The following L3MBTL4 variants were observed in gnomAD, a reference collection of about 807,000 sequenced individuals.
L3MBTL4 encodes lethal(3)malignant brain tumor-like protein 4.
A neutral mutation model predicts 84.5 loss-of-function variants in L3MBTL4; 70 were observed. The observed-to-expected ratio is 0.83, with a 90% CI of 0.68 to 1.01. L3MBTL4 has a LOEUF of 1.01. L3MBTL4 is among the 50% of genes least tolerant of loss of function. L3MBTL4 has a pLI of 0.00. For synonymous variants in L3MBTL4, 274 were observed against 259.8 expected, an observed-to-expected ratio of 1.05 and a Z score of -0.52; for missense variants, 715 against 754.8, an observed-to-expected ratio of 0.95 and a Z score of 0.62.
At chr18:6,403,085 T>C (rs1459496596) in intron 1 of L3MBTL4, among the ~76,000 whole-genome samples, 1 of 152,230 alleles carries the variant, frequency 6.6e-6, no homozygotes, top group Non-Finnish European at 1.5e-5. Flanking sequence ...AGCATTCCCA[T>C]ATGTGGGACA....
chr18:6,384,406 C>T (rs2054728375), intron 1 of L3MBTL4, among the ~76,000 whole-genome samples: 1 of 152,128 alleles, frequency 6.6e-6, no homozygotes, highest in African/African-American at 2.4e-5. Context: ...CAAAGTGGTA[C>T]TAATGGCTGT....
chr18:5,975,699 G>A (rs897097385), intron 16 of L3MBTL4, among the ~76,000 whole-genome samples: 7 of 152,120 alleles, frequency 4.6e-5, no homozygotes, highest in African/African-American at 1.7e-4. Flanking sequence ...CAAAACAAAA[G>A]TAAAAAGCAG....
chr18:5,993,586 C>T (rs139244221), intron 16 of L3MBTL4, among the ~76,000 whole-genome samples: 65 of 152,204 alleles, frequency 4.3e-4, no homozygotes, highest in Non-Finnish European at 6.9e-4. Flanking sequence ...TAAACAGAGT[C>T]GTTAATTTAC....
intron 4 of L3MBTL4, among the ~76,000 whole-genome samples, chr18:6,277,590 A>G (rs557735841): frequency 6.6e-6 from 1 of 152,338 alleles, no homozygotes; most frequent in Admixed American, 6.5e-5. Context: ...TACAAGTGAA[A>G]TAAATATTAA....
chr18:6,068,997 T>C (rs1000021048), intron 16 of L3MBTL4, among the ~76,000 whole-genome samples: 1 of 152,152 alleles, frequency 6.6e-6, no homozygotes, highest in African/African-American at 2.4e-5. Context: ...AGATACCCAG[T>C]GGGACTACCA....
chr18:6,217,299 C>T (rs1410774945), intron 10 of L3MBTL4, among the ~76,000 whole-genome samples: 2 of 152,120 alleles, frequency 1.3e-5, no homozygotes, highest in Admixed American at 6.6e-5. Context: ...CCACCCTCCT[C>T]AAAGAGAAAT....
intron 16 of L3MBTL4, among the ~76,000 whole-genome samples, chr18:6,004,997 A>ATTTTTTTTTTTTTTTTTTTT (rs60294342): frequency 2.1e-4 from 11 of 52,158 alleles, no homozygotes; most frequent in South Asian, 1.2e-3. Context: ...TAAGATGATA[A>ATTTTTTTTTTTTTTTTTTTT]TTTTTTTTTT....
intron 16 of L3MBTL4, among the ~76,000 whole-genome samples, chr18:6,015,958 T>A (rs2054952879): frequency 6.6e-6 from 1 of 152,100 alleles, no homozygotes; most frequent in South Asian, 2.1e-4. Flanking sequence ...AGACTCTGTC[T>A]CAAAAATAAA....
chr18:6,244,143 T>C (rs1471158196), intron 6 of L3MBTL4, among the ~76,000 whole-genome samples: 1 of 152,220 alleles, frequency 6.6e-6, no homozygotes, highest in African/African-American at 2.4e-5. Flanking sequence ...ATATTATTCA[T>C]ACACATTTCT....
chr18:6,120,329 T>A (rs1309944819), intron 14 of L3MBTL4, among the ~76,000 whole-genome samples: 1 of 152,062 alleles, frequency 6.6e-6, no homozygotes, highest in Non-Finnish European at 1.5e-5. Flanking sequence ...ATGAGGTGGC[T>A]ATGGAGAGGG....
At chr18:6,031,896 G>A in intron 16 of L3MBTL4, 2 of 928,346 alleles carry the variant, frequency 2.2e-6, no homozygotes, top group Non-Finnish European at 2.6e-6. Context: ...ATGAAGCCTG[G>A]GCTTTTAGAG....
At chr18:6,308,913 C>T (rs1429252914) in intron 3 of L3MBTL4, among the ~76,000 whole-genome samples, 22 of 151,576 alleles carry the variant, frequency 1.5e-4, no homozygotes, top group Admixed American at 1.3e-3. Context: ...CATATGCCTA[C>T]GTTCTGAAAA....
At chr18:6,316,630 C>T (rs1002950376) in intron 1 of L3MBTL4, among the ~76,000 whole-genome samples, 2 of 152,194 alleles carry the variant, frequency 1.3e-5, no homozygotes, top group Admixed American at 6.5e-5. Context: ...CCTCCAGATT[C>T]AGGCTTACAC....
intron 16 of L3MBTL4, among the ~76,000 whole-genome samples, chr18:5,978,689 T>C (rs556928173): frequency 6.6e-6 from 1 of 152,280 alleles, no homozygotes; most frequent in African/African-American, 2.4e-5. Context: ...TATACATCTG[T>C]GAGTAGGACA....
chr18:6,332,884 T>TAGCAGC (rs2052113698), intron 1 of L3MBTL4, among the ~76,000 whole-genome samples: 1 of 152,210 alleles, frequency 6.6e-6, no homozygotes, highest in African/African-American at 2.4e-5. Context: ...GCAGTAGCAG[T>TAGCAGC]AGCAGCAGCA....
At chr18:5,967,387 T>A (rs2052407082) in intron 17 of L3MBTL4, among the ~76,000 whole-genome samples, 1 of 152,260 alleles carries the variant, frequency 6.6e-6, no homozygotes, top group Admixed American at 6.5e-5. Flanking sequence ...TGGTTTATCA[T>A]GATTAATGCC....
chr18:5,961,068 T>C (rs6506350), intron 17 of L3MBTL4, among the ~76,000 whole-genome samples: 67,058 of 152,150 alleles, frequency 0.44, 15,319 homozygotes, highest in African/African-American at 0.55. Context: ...AATGTAATCT[T>C]GGGAGGTGAT....
At chr18:5,996,577 C>T (rs1273339445) in intron 16 of L3MBTL4, among the ~76,000 whole-genome samples, 1 of 152,172 alleles carries the variant, frequency 6.6e-6, no homozygotes, top group African/African-American at 2.4e-5. Flanking sequence ...ACTCAGTGTG[C>T]TTGCTCTCTC....
chr18:6,029,646 C>T, intron 16 of L3MBTL4: 1 of 985,212 alleles, frequency 1.0e-6, no homozygotes, highest in Non-Finnish European at 1.2e-6. Context: ...AATGCAATTA[C>T]AGGACAGGAA....
Sources: gnomAD v4.1 joint callset for allele counts (sites outside exome capture counted in the v4.1 genomes callset) on GRCh38, gnomAD v4.1.1 for gene constraint, MANE v1.5 for transcripts, NCBI Gene and HGNC (gene_info 2026-07-23, HGNC 2026-07-21) for gene names.